TMEM123: variants seen among roughly 807,000 people sequenced by gnomAD.
The protein encoded by TMEM123 is transmembrane protein 123.
In TMEM123, 16 loss-of-function variants were observed where a neutral mutation model predicts 19.7. The observed-to-expected ratio is 0.81, with a 90% CI of 0.55 to 1.23. The LOEUF (loss-of-function observed/expected upper bound fraction) is 1.23. TMEM123 is among the 50% of genes most tolerant of loss of function. The probability of loss-of-function intolerance (pLI) is 0.00; values close to 1 mark genes in which losing one functional copy is unlikely to be tolerated. For missense variants in TMEM123, 313 were observed against 257.8 expected (o/e 1.21, Z -1.47); for synonymous variants, 118 against 99.4 (o/e 1.19, Z -1.12).
At chr11:102,435,341 G>GA (rs894132881) in intron 2 of TMEM123, among the ~76,000 whole-genome samples, 1 of 151,740 alleles carries the variant, frequency 6.6e-6, no homozygotes, top group Non-Finnish European at 1.5e-5. Flanking sequence ...ATAATCACAT[G>GA]AAAAAATGTT....
intron 2 of TMEM123, among the ~76,000 whole-genome samples, chr11:102,446,547 A>G (rs1014166223): frequency 1.3e-5 from 2 of 152,254 alleles, no homozygotes; most frequent in Non-Finnish European, 2.9e-5. Flanking sequence ...TAGTGTTTTG[A>G]TAAGGCAAGT....
intron 2 of TMEM123, among the ~76,000 whole-genome samples, chr11:102,410,556 C>A (rs916503744): frequency 6.6e-6 from 1 of 151,506 alleles, no homozygotes; most frequent in Admixed American, 6.6e-5. Flanking sequence ...GAGCATCAGG[C>A]TAGACTGATA....
At chr11:102,443,489 C>A (rs1391123253) in intron 2 of TMEM123, among the ~76,000 whole-genome samples, 2 of 152,066 alleles carry the variant, frequency 1.3e-5, no homozygotes, top group East Asian at 3.9e-4. Flanking sequence ...AACTGGCTAG[C>A]CATATGTAGA....
chr11:102,431,827 G>T (rs142245650), intron 2 of TMEM123, among the ~76,000 whole-genome samples: 3 of 152,180 alleles, frequency 2.0e-5, no homozygotes, highest in African/African-American at 7.2e-5. Context: ...TGAATCATGG[G>T]GGCAGTTTCC....
chr11:102,443,881 G>A (rs1471570823), intron 2 of TMEM123, among the ~76,000 whole-genome samples: 3 of 152,130 alleles, frequency 2.0e-5, no homozygotes, highest in Non-Finnish European at 2.9e-5. Flanking sequence ...ATGAAAAAGT[G>A]GGCAAAGGAT....
chr11:102,397,141 C>T lies in TMEM123; in HGVS notation c.*1726G>A, dbSNP rs778476698. ...TTTTCAGAAAATTTCCTCCATACTC[C>T]ATGTATGTGTTACATACATCCAATC... On this transcript the variant is annotated 3_prime_UTR_variant, in exon 5 of 5. Coordinates refer to ENST00000398136, the MANE Select transcript of TMEM123 (RefSeq NM_052932.3). 12 of 152,150 alleles carry T rather than the reference C, an allele frequency of 7.9e-5. No individual in the cohort carries two copies. Among genetic ancestry groups the T allele is most frequent in the Admixed American group, 7.9e-4 (12 of 15,272 alleles). The allele number at this position is 152,150 out of a possible 1,614,324, so 9.4% of individuals were successfully genotyped here. A position where few individuals can be genotyped will look rare whatever the true frequency, so the allele number is the denominator to read the frequency against.
intron 2 of TMEM123, among the ~76,000 whole-genome samples, chr11:102,431,858 G>A (rs1250270342): frequency 6.6e-6 from 1 of 152,154 alleles, no homozygotes; most frequent in Non-Finnish European, 1.5e-5. Flanking sequence ...TCCCATGATA[G>A]TGAGTGAGTT....
chr11:102,399,478 T>C (rs10895294), intron 4 of TMEM123, among the ~76,000 whole-genome samples: 34,005 of 151,672 alleles, frequency 0.22, 4,110 homozygotes, highest in East Asian at 0.4. Context: ...ATGTATTCTT[T>C]CATGTATTGA....
chr11:102,436,452 C>T (rs1295414592), intron 2 of TMEM123, among the ~76,000 whole-genome samples: 4 of 151,944 alleles, frequency 2.6e-5, no homozygotes, highest in African/African-American at 7.2e-5. Context: ...CGTGAGCCAC[C>T]GCACCCAGCC....
chr11:102,435,118 T>C (rs774813042), intron 2 of TMEM123, among the ~76,000 whole-genome samples: 1 of 152,032 alleles, frequency 6.6e-6, no homozygotes, highest in Non-Finnish European at 1.5e-5. Context: ...GGCAGAAGGA[T>C]TGCTTGAGCC....
chr11:102,437,106 C>A (rs565198646), intron 2 of TMEM123, among the ~76,000 whole-genome samples: 5 of 152,238 alleles, frequency 3.3e-5, no homozygotes, highest in African/African-American at 1.2e-4. Flanking sequence ...CTGTTGTGCA[C>A]TTCGTTTTTG....
At chr11:102,441,732 T>TAA (rs1857828190) in intron 2 of TMEM123, among the ~76,000 whole-genome samples, 1 of 134,584 alleles carries the variant, frequency 7.4e-6, no homozygotes, top group African/African-American at 2.9e-5. Flanking sequence ...AAAAAACCCT[T>TAA]CAAAAAAAAA....
At chr11:102,405,722 C>A (rs951603779) in intron 2 of TMEM123, among the ~76,000 whole-genome samples, 1 of 152,106 alleles carries the variant, frequency 6.6e-6, no homozygotes, top group African/African-American at 2.4e-5. Context: ...ATAAAACATT[C>A]TTCAAAGATA....
chr11:102,452,526 G>T lies in TMEM123; in HGVS notation c.98C>A (p.Ala33Glu). 1 of 1,544,052 alleles carries T rather than the reference G, an allele frequency of 6.5e-7. No homozygotes were observed. Among genetic ancestry groups the T allele is most frequent in the Non-Finnish European group, 8.7e-7 (1 of 1,148,670 alleles). The change falls in exon 1 of 5, where the codon GCG (alanine) becomes GAG (glutamate). Residue 33 changes from alanine (A) to glutamate (E), a missense_variant and splice_region_variant. By Grantham distance (107) the Ala-to-Glu change is moderately radical (BLOSUM62 -1). Coordinates refer to ENST00000398136, the MANE Select transcript of TMEM123 (RefSeq NM_052932.3). Reference sequence around the variant, plus strand: ...TGACGACCCCCGCAGCCACTTACCCGCCATGGCTGCGCTTTCATGGGCGGC... The same window carrying T: ...TGACGACCCCCGCAGCCACTTACCCTCCATGGCTGCGCTTTCATGGGCGGC... The part of the protein sequence containing the change: ...LGAAHESAAM[A>E]ASANIENSGL...
intron 2 of TMEM123, among the ~76,000 whole-genome samples, chr11:102,402,625 C>G (rs2135842212): frequency 6.6e-6 from 1 of 152,318 alleles, no homozygotes; most frequent in East Asian, 1.9e-4. Context: ...CAGTTCTCTG[C>G]TATACCTTCC....
At chr11:102,424,002 C>CA in intron 2 of TMEM123, among the ~76,000 whole-genome samples, 1 of 152,010 alleles carries the variant, frequency 6.6e-6, no homozygotes, top group South Asian at 2.1e-4. Context: ...AAGAAAAGAA[C>CA]AAAATGACTT....
chr11:102,404,790 G>C (rs1052378771), intron 2 of TMEM123, among the ~76,000 whole-genome samples: 1 of 151,922 alleles, frequency 6.6e-6, no homozygotes, highest in Non-Finnish European at 1.5e-5. Flanking sequence ...AGTAGAGACG[G>C]GGTTTTGCCA....
intron 2 of TMEM123, among the ~76,000 whole-genome samples, chr11:102,406,229 C>T (rs1311900020): frequency 1.3e-5 from 2 of 152,184 alleles, no homozygotes; most frequent in African/African-American, 2.4e-5. Flanking sequence ...GAATCTGAGG[C>T]GCATATGTTG....
In TMEM123 at chr11:102,398,830, C is replaced by T; in HGVS notation, c.*37G>A. 1.9e-6 allele frequency: 3 copies of T among 1,602,478 alleles called. No individual in the cohort carries two copies. The highest frequency in any genetic ancestry group is 2.6e-6 in the Non-Finnish European group (3 of 1,174,528). On this transcript the variant is annotated 3_prime_UTR_variant, in exon 5 of 5. Coordinates refer to ENST00000398136, the MANE Select transcript of TMEM123 (RefSeq NM_052932.3). ...AAACCAAAATTAATTGATAGGGCAGCATCAATCTGTATTCCATCCTTGGTC... is the reference window on the plus strand; with the variant it reads ...AAACCAAAATTAATTGATAGGGCAGTATCAATCTGTATTCCATCCTTGGTC...
Sources: gnomAD v4.1 joint callset for allele counts (sites outside exome capture counted in the v4.1 genomes callset) on GRCh38, gnomAD v4.1.1 for gene constraint, MANE v1.5 for transcripts, NCBI Gene and HGNC (gene_info 2026-07-23, HGNC 2026-07-21) for gene names.